The following KCNK6 variants were observed in gnomAD, a reference collection of about 807,000 sequenced individuals.
KCNK6 encodes potassium two pore domain channel subfamily K member 6.
KCNK6 carries 20 observed loss-of-function variants against 21.9 expected under a neutral mutation model. The observed-to-expected ratio is 0.91, with a 90% CI of 0.64 to 1.32. The LOEUF (loss-of-function observed/expected upper bound fraction) is 1.32. Among genes scored for constraint, KCNK6 ranks in the 40% most tolerant of loss-of-function variants. The pLI is 0.00. For synonymous variants in KCNK6, 210 were observed against 218.0 expected (o/e 0.96, Z 0.32); for missense variants, 415 against 433.1 (o/e 0.96, Z 0.37).
intron 1 of KCNK6, 72 bp downstream of exon 1, chr19:38,320,344 C>CA: frequency 6.6e-7 from 1 of 1,517,180 alleles, no homozygotes; most frequent in Non-Finnish European, 9.0e-7. Flanking sequence ...CTGGGGACCC[C>CA]GGGGCCCTCA....
Position 38,328,680 on chromosome 19 carries a change from A to C in KCNK6, c.*1277A>C, listed in dbSNP as rs1969738242. ...CACAGTGAGGCCTTATCTCAACAAC[A>C]ACCACAAAATCTAAAAATTAGCTGG... On this transcript the variant is annotated 3_prime_UTR_variant, in exon 3 of 3. Transcript: ENST00000263372. 1 of 152,142 alleles carries C rather than the reference A, an allele frequency of 6.6e-6. No homozygotes were observed. The highest frequency in any genetic ancestry group is 1.9e-4 in the East Asian group (1 of 5,162). The allele number at this position is 152,142 out of a possible 1,614,324, so 9.4% of individuals were successfully genotyped here.
At chr19:38,324,923 T>C (rs577546759) in intron 1 of KCNK6, 2 of 152,048 alleles carry the variant, frequency 1.3e-5, no homozygotes, top group South Asian at 4.2e-4. Flanking sequence ...TTTTTTATTA[T>C]AGTAAAATAC....
chr19:38,331,581 C>T lies in KCNK6; in HGVS notation c.*4178C>T, dbSNP rs1425994190. 1 of 151,466 alleles carries T rather than the reference C, an allele frequency of 6.6e-6. No homozygotes were observed. Among genetic ancestry groups the T allele is most frequent in the Non-Finnish European group, 1.5e-5 (1 of 67,940 alleles). 9.4% of individuals were successfully genotyped at this position (151,466 alleles called of 1,614,324 possible). A position where few individuals can be genotyped will look rare whatever the true frequency, so the allele number is the denominator to read the frequency against. ...TGGAGGTTGCAGTGAGCCGAGATCC[C>T]ACCATTGCACTCCAGCCTGGGAGAC... is the stretch of plus-strand genomic sequence containing the variant. On this transcript the variant is annotated 3_prime_UTR_variant, in exon 3 of 3. Coordinates refer to ENST00000263372, the MANE Select transcript of KCNK6 (RefSeq NM_004823.3).
chr19:38,327,611 A>T lies in KCNK6; in HGVS notation c.*208A>T. ...CATGTCCCGGGCTCCACTGGGCACC[A>T]ACATAACCTTGTTCTCTGTCCTTTC... On this transcript the variant is annotated 3_prime_UTR_variant, in exon 3 of 3. Transcript: ENST00000263372. The T allele has an allele frequency of 1.7e-6, 1 of 596,468 alleles. No individual in the cohort carries two copies. Among genetic ancestry groups the T allele is most frequent in the East Asian group, 2.8e-5 (1 of 35,944 alleles). The allele number at this position is 596,468 out of a possible 1,614,324, so 36.9% of individuals were successfully genotyped here.
In KCNK6 at chr19:38,319,979, C is replaced by T; in HGVS notation, c.29C>T (p.Ala10Val). 6.8e-7 allele frequency: 1 copy of T among 1,470,126 alleles called. No homozygotes were observed. Among genetic ancestry groups the T allele is most frequent in the Non-Finnish European group, 8.9e-7 (1 of 1,121,322 alleles). The allele number at this position is 1,470,126 out of a possible 1,614,324, so 91.1% of individuals were successfully genotyped here. The stretch of plus-strand genomic sequence containing the variant: ...CGGAGGGGCGCGCTTCTGGCGGGCG[C>T]CTTGGCCGCGTACGCCGCGTACCTG... MRRGALLAG[A>V]LAAYAAYLVL... The change falls in exon 1 of 3, where the codon GCC becomes GTC. Residue 10 changes from alanine to valine, a missense_variant. Ala to Val is a moderately conservative substitution (Grantham distance 64). Coordinates refer to ENST00000263372, the MANE Select transcript of KCNK6 (RefSeq NM_004823.3).
Position 38,327,358 on chromosome 19 carries a change from ACT to A in KCNK6, c.902_903del (p.Ser301CysfsTer164), listed in dbSNP as rs768472826. ...GCCCCCAGCCGGAGTCGCACCAGCA[ACT>A]CTCTGCCAGCTCCCACACCGACTAC... Reference protein sequence around the residue: ...LGPQPESHQQLSASSHTDYAS... With the variant: ...LGPQPESHQQXSASSHTDYAS... On this transcript the variant is annotated frameshift_variant, in exon 3 of 3. Transcript: ENST00000263372. LOFTEE classifies it high-confidence loss of function. 1 of 1,611,592 alleles carries A rather than the reference ACT, an allele frequency of 6.2e-7. No homozygotes were observed. Among genetic ancestry groups the A allele is most frequent in the South Asian group, 1.1e-5 (1 of 91,068 alleles).
Position 38,320,477 on chromosome 19 carries a change from C to G in KCNK6, c.322+205C>G, listed in dbSNP as rs150646977. The stretch of plus-strand genomic sequence containing the variant: ...GGAGCCCAAGTCCGAGCCCTTCCTC[C>G]TAAGTAGGAAACACCCAGCTCCCCT... On this transcript the variant is annotated intron_variant, in intron 1 of 2. Transcript: ENST00000263372. Among the ~76,000 whole-genome samples the G allele has an allele frequency of 5.4e-3, 825 of 152,238 alleles. 8 individuals carry two copies. The highest frequency in any genetic ancestry group is 0.019 in the African/African-American group (801 of 41,550).
rs3786881 is a variant in KCNK6, at chr19:38,328,078, G to A, written c.*675G>A. 0.018 allele frequency: 2,735 copies of A among 153,000 alleles called. 65 individuals are homozygous for A. The highest frequency in any genetic ancestry group is 0.054 in the African/African-American group (2,225 of 41,570). The allele number at this position is 153,000 out of a possible 1,614,324, so 9.5% of individuals were successfully genotyped here. ...GAGGAGGTGAGGTGTTGAAAGCACA[G>A]GCAGAGTGGTCAGGGCTGAAGTCGG... On this transcript the variant is annotated 3_prime_UTR_variant, in exon 3 of 3. Transcript: ENST00000263372.
At chr19:38,325,204 C>G (rs956992185) in intron 1 of KCNK6, 1 of 155,512 alleles carries the variant, frequency 6.4e-6, no homozygotes, top group Non-Finnish European at 1.4e-5. Flanking sequence ...GCAACCTCCA[C>G]CTCCCAGGTT....
chr19:38,319,906 A>G lies in KCNK6; in HGVS notation c.-45A>G. The G allele has an allele frequency of 7.3e-7, 1 of 1,367,272 alleles. No individual in the cohort carries two copies. Among genetic ancestry groups the G allele is most frequent in the Non-Finnish European group, 9.4e-7 (1 of 1,068,952 alleles). 84.7% of individuals were successfully genotyped at this position (1,367,272 alleles called of 1,614,324 possible). A position where few individuals can be genotyped will look rare whatever the true frequency, so the allele number is the denominator to read the frequency against. ...GCCAGACGGTCCGGAGGCGGGGGCC[A>G]CGTCAGCGGGGCCACCCAGGGCTCG... On this transcript the variant is annotated 5_prime_UTR_variant, in exon 1 of 3. Transcript: ENST00000263372.
rs1273032798 is a variant in KCNK6, at chr19:38,330,690, T to C, written c.*3287T>C. ...GAAAATATGTATATTGGATATACTA[T>C]GTGCCAGGCACGATTCCAAGCCCCT... On this transcript the variant is annotated 3_prime_UTR_variant, in exon 3 of 3. Transcript: ENST00000263372. The C allele has an allele frequency of 6.6e-6, 1 of 152,086 alleles. No individual in the cohort carries two copies. Among genetic ancestry groups the C allele is most frequent in the African/African-American group, 2.4e-5 (1 of 41,420 alleles). The allele number at this position is 152,086 out of a possible 1,614,324, so 9.4% of individuals were successfully genotyped here. A position where few individuals can be genotyped will look rare whatever the true frequency, so the allele number is the denominator to read the frequency against.
intron 1 of KCNK6, among the ~76,000 whole-genome samples, chr19:38,322,604 G>A (rs1304096837): frequency 1.3e-5 from 2 of 152,210 alleles, no homozygotes; most frequent in East Asian, 1.9e-4. Context: ...ATCACCTGAG[G>A]TTAGGAGTTC....
intron 1 of KCNK6, among the ~76,000 whole-genome samples, chr19:38,323,952 GAA>G (rs1969680253): frequency 6.6e-6 from 1 of 152,050 alleles, no homozygotes; most frequent in Non-Finnish European, 1.5e-5. Flanking sequence ...TCAGAGGGGA[GAA>G]GTCATCTGGC....
At chr19:38,326,014 A>G (rs1969703152) in intron 1 of KCNK6, among the ~76,000 whole-genome samples, 1 of 151,970 alleles carries the variant, frequency 6.6e-6, no homozygotes, top group African/African-American at 2.4e-5. Flanking sequence ...TGGGTGGGGG[A>G]GAAGTAAGTG....
rs868045827 is a variant in KCNK6 at position 38,325,632 on chromosome 19, G to A, written c.323-961G>A. 16 of 747,912 alleles carry A rather than the reference G, an allele frequency of 2.1e-5. No homozygotes were observed. The South Asian group carries it at 3.0e-4, about 14-fold the overall frequency. 46.3% of individuals were successfully genotyped at this position (747,912 alleles called of 1,614,324 possible). Reference sequence around the variant, plus strand: ...AAGTGCTATGGGAAAAAAAAGTGTTGGGTAAGAGGATGTTACCATTTAGGG... The same window carrying A: ...AAGTGCTATGGGAAAAAAAAGTGTTAGGTAAGAGGATGTTACCATTTAGGG... On this transcript the variant is annotated intron_variant, in intron 1 of 2. Coordinates refer to ENST00000263372, the MANE Select transcript of KCNK6 (RefSeq NM_004823.3).
chr19:38,320,632 C>T (rs1234212298), intron 1 of KCNK6, among the ~76,000 whole-genome samples: 2 of 151,738 alleles, frequency 1.3e-5, no homozygotes, highest in Admixed American at 1.3e-4. Context: ...GATCTCGGAT[C>T]ACGGCAGCCT....
intron 2 of KCNK6, 66 bp from the exon 3 acceptor site, chr19:38,327,114 G>C: frequency 6.3e-7 from 1 of 1,587,026 alleles, no homozygotes; most frequent in Non-Finnish European, 8.6e-7. Flanking sequence ...GGGTCCAGTA[G>C]AACTGCGGCC....
chr19:38,329,162 G>A lies in KCNK6; in HGVS notation c.*1759G>A, dbSNP rs1218823491. The A allele has an allele frequency of 1.3e-5, 2 of 151,788 alleles. No individual in the cohort carries two copies. Among genetic ancestry groups the A allele is most frequent in the Admixed American group, 1.3e-4 (2 of 15,224 alleles). The allele number at this position is 151,788 out of a possible 1,614,324, so 9.4% of individuals were successfully genotyped here. A position where few individuals can be genotyped will look rare whatever the true frequency, so the allele number is the denominator to read the frequency against. ...GGAGAATGGCGTGAACCCCGGTGGG[G>A]GCGGAGCCTGCAATGAGCCGAGATC... On this transcript the variant is annotated 3_prime_UTR_variant, in exon 3 of 3. Transcript: ENST00000263372.
intron 1 of KCNK6, among the ~76,000 whole-genome samples, chr19:38,321,816 C>T (rs1248463407): frequency 1.3e-4 from 20 of 152,236 alleles, no homozygotes; most frequent in Non-Finnish European, 2.9e-4. Flanking sequence ...GGGTCATGTG[C>T]ACGCCTCCTA....
Sources: allele counts gnomAD v4.1 joint callset (sites outside exome capture counted in the v4.1 genomes callset), GRCh38; gene constraint gnomAD v4.1.1; transcripts MANE v1.5; gene names NCBI Gene and HGNC (gene_info 2026-07-23, HGNC 2026-07-21).